Variants in NKAIN3 observed in about 807,000 individuals in gnomAD.
NKAIN3 encodes the protein sodium/potassium-transporting ATPase subunit beta-1-interacting protein 3.
NKAIN3 carries 25 observed loss-of-function variants against 30.2 expected under a neutral mutation model. The observed-to-expected ratio is 0.83, with a 90% CI of 0.60 to 1.16. The LOEUF (loss-of-function observed/expected upper bound fraction) is 1.16, where lower values mean the gene tolerates loss of function less well. NKAIN3 is among the 50% of genes most tolerant of loss of function. The pLI is 0.00. For synonymous variants in NKAIN3, 91 were observed against 89.6 expected, an observed-to-expected ratio of 1.02 and a Z score of -0.09; for missense variants, 225 against 254.1, an observed-to-expected ratio of 0.89 and a Z score of 0.78.
At chr8:62,515,944 A>C (rs1198236988) in intron 1 of NKAIN3, among the ~76,000 whole-genome samples, 1 of 151,898 alleles carries the variant, frequency 6.6e-6, no homozygotes, top group Admixed American at 6.6e-5. Flanking sequence ...ATTTCCTTAG[A>C]TTTTTAAGAT....
intron 1 of NKAIN3, among the ~76,000 whole-genome samples, chr8:62,543,933 G>C (rs1181457044): frequency 6.6e-6 from 1 of 152,098 alleles, no homozygotes; most frequent in Non-Finnish European, 1.5e-5. Context: ...AGTAAAATAA[G>C]AGAAATGTCA....
chr8:62,513,856 T>C, intron 1 of NKAIN3, among the ~76,000 whole-genome samples: 1 of 29,174 alleles, frequency 3.4e-5, no homozygotes, highest in Non-Finnish European at 5.8e-5. Context: ...GAAACCTGTC[T>C]CAAAAAAAAA....
intron 1 of NKAIN3, among the ~76,000 whole-genome samples, chr8:62,334,081 CTCAG>C (rs1815448862): frequency 6.6e-6 from 1 of 152,084 alleles, no homozygotes; most frequent in African/African-American, 2.4e-5. Flanking sequence ...AAGATTGCTA[CTCAG>C]TATTAATCAC....
chr8:62,651,134 C>T (rs896897778), intron 3 of NKAIN3, among the ~76,000 whole-genome samples: 8 of 151,180 alleles, frequency 5.3e-5, no homozygotes, highest in Admixed American at 1.3e-4. Context: ...AAAACTTCTT[C>T]GAAAAGATAA....
At chr8:62,317,775 C>T (rs575020684) in intron 1 of NKAIN3, among the ~76,000 whole-genome samples, 18 of 152,224 alleles carry the variant, frequency 1.2e-4, no homozygotes, top group African/African-American at 4.3e-4. Flanking sequence ...TTTTTGGTTC[C>T]ATGTGAACTT....
At chr8:62,629,665 G>A (rs779437485) in intron 3 of NKAIN3, among the ~76,000 whole-genome samples, 1 of 152,052 alleles carries the variant, frequency 6.6e-6, no homozygotes, top group Non-Finnish European at 1.5e-5. Flanking sequence ...GATTCTGAGG[G>A]AATTTAAGGA....
At chr8:62,873,390 G>C (rs984072281) in intron 4 of NKAIN3, among the ~76,000 whole-genome samples, 3 of 151,112 alleles carry the variant, frequency 2.0e-5, no homozygotes, top group African/African-American at 7.3e-5. Flanking sequence ...ATAATACTGG[G>C]AGATTTTAAC....
chr8:62,999,306 G>A (rs569328038), exon 6 of NKAIN3: 1 of 152,290 alleles, frequency 6.6e-6, no homozygotes, highest in Non-Finnish European at 1.5e-5. Context: ...CATGATGGAA[G>A]GCAAAGCGGG....
intron 4 of NKAIN3, chr8:62,856,827 C>T (rs1820073916): frequency 9.9e-6 from 6 of 608,910 alleles, no homozygotes; most frequent in East Asian, 3.2e-5. Flanking sequence ...CACTATAGAG[C>T]ATCACTGCCA....
intron 4 of NKAIN3, among the ~76,000 whole-genome samples, chr8:62,844,768 C>G (rs1819625493): frequency 6.6e-6 from 1 of 152,086 alleles, no homozygotes; most frequent in South Asian, 2.1e-4. Flanking sequence ...AATTCCTGGT[C>G]AAAGGAGATT....
intron 1 of NKAIN3, among the ~76,000 whole-genome samples, chr8:62,443,454 G>C (rs1265364969): frequency 6.6e-6 from 1 of 152,022 alleles, no homozygotes; most frequent in Non-Finnish European, 1.5e-5. Context: ...CACAATCTCG[G>C]CTCACTGCAA....
At chr8:62,695,368 G>C (rs1226914195) in intron 3 of NKAIN3, among the ~76,000 whole-genome samples, 1 of 152,168 alleles carries the variant, frequency 6.6e-6, no homozygotes, top group African/African-American at 2.4e-5. Flanking sequence ...GAACAGCATG[G>C]AAAGTGAATC....
intron 3 of NKAIN3, among the ~76,000 whole-genome samples, chr8:62,704,508 C>T (rs13439148): frequency 0.056 from 8,566 of 152,170 alleles, 473 homozygotes; most frequent in African/African-American, 0.14. Flanking sequence ...TTTACTCAAA[C>T]GTCTAACAAT....
chr8:62,922,409 A>T (rs567237322), intron 5 of NKAIN3, among the ~76,000 whole-genome samples: 6 of 152,326 alleles, frequency 3.9e-5, no homozygotes, highest in African/African-American at 1.4e-4. Flanking sequence ...GTAGGAAAAA[A>T]AAAGACTAGT....
chr8:62,806,884 A>G (rs1191850235), intron 4 of NKAIN3, among the ~76,000 whole-genome samples: 6 of 152,048 alleles, frequency 3.9e-5, no homozygotes, highest in African/African-American at 1.4e-4. Context: ...GTTTATTTCC[A>G]CTTGTCTACA....
intron 3 of NKAIN3, among the ~76,000 whole-genome samples, chr8:62,630,449 AC>A (rs1240189640): frequency 6.6e-6 from 1 of 152,128 alleles, no homozygotes; most frequent in Non-Finnish European, 1.5e-5. Context: ...TAAAAGTAGC[AC>A]TTCATAATCA....
Position 62,973,376 on chromosome 8 carries a change from G to T in NKAIN3, c.*7969G>T, listed in dbSNP as rs1015224582. ...ATCGCCATTCTAACTGGTGTGAGGT[G>T]GTATCTCATTGTCGTTTTGATTTGC... On this transcript the variant is annotated 3_prime_UTR_variant, in exon 7 of 7. Coordinates refer to ENST00000623646, the MANE Select transcript of NKAIN3 (RefSeq NM_001304533.3). Among the ~76,000 whole-genome samples the T allele has an allele frequency of 3.9e-5, 6 of 152,184 alleles. No homozygotes were observed. The highest frequency in any genetic ancestry group is 1.2e-4 in the African/African-American group (5 of 41,530).
In NKAIN3 at chr8:62,822,680, T is replaced by C. The variant is rs1156956220; in HGVS notation, c.471+75551T>C. 2.0e-5 allele frequency among the ~76,000 whole-genome samples: 3 copies of C among 152,224 alleles called. No individual in the cohort carries two copies. The East Asian group carries it at 5.8e-4, about 29-fold the overall frequency. On this transcript the variant is annotated intron_variant, in intron 4 of 6. Transcript: ENST00000623646. The stretch of plus-strand genomic sequence containing the variant: ...TAAATATTCAACCTGCACTGTTATG[T>C]GTACCTTGAGGAGTCCTAGGAGCAG...
Position 62,995,117 on chromosome 8 carries a change from T to A in NKAIN3, c.533-4114T>A, listed in dbSNP as rs192730800. Among the ~76,000 whole-genome samples, 13 of 152,334 alleles carry A rather than the reference T, an allele frequency of 8.5e-5. No homozygotes were observed. The East Asian group carries it at 2.3e-3, about 27-fold the overall frequency. ...ATTTACATTTGCACATTCCCATCCT[T>A]AATGACATAAAATTAAATAGCTCTA... On this transcript the variant is annotated intron_variant, in intron 5 of 5. Coordinates refer to the NKAIN3 transcript ENST00000519049.
Sources: allele counts gnomAD v4.1 joint callset (sites outside exome capture counted in the v4.1 genomes callset), GRCh38; gene constraint gnomAD v4.1.1; transcripts MANE v1.5; gene names NCBI Gene and HGNC (gene_info 2026-07-23, HGNC 2026-07-21).